Variants in PUS10 observed in about 807,000 individuals in gnomAD.
PUS10 encodes the protein pseudouridine synthase 10, also known as tRNA pseudouridine synthase Pus10.
Under a neutral mutation model 75.0 loss-of-function variants are expected in PUS10, and 59 were observed. The observed-to-expected ratio is 0.79, with a 90% confidence interval of 0.64 to 0.98. PUS10 has a LOEUF of 0.98. Ranked by LOEUF, PUS10 falls within the 50% of genes least tolerant of loss-of-function variation. The pLI is 0.00. For synonymous variants in PUS10, 219 were observed against 211.6 expected (o/e 1.03, Z -0.30); for missense variants, 650 against 614.4 (o/e 1.06, Z -0.61).
chr2:61,005,290 T>C (rs1679138637), intron 4 of PUS10, among the ~76,000 whole-genome samples: 1 of 151,976 alleles, frequency 6.6e-6, no homozygotes, highest in South Asian at 2.1e-4. Context: ...AACAAACAAA[T>C]CTTCTGTTTC....
intron 3 of PUS10, 96 bp downstream of exon 3, chr2:61,008,665 G>A (rs1679395956): frequency 1.9e-6 from 2 of 1,036,966 alleles, no homozygotes; most frequent in African/African-American, 1.6e-5. Context: ...AAAAAGAATT[G>A]TCTTGTCTTG....
chr2:60,973,630 G>T (rs1676836627), intron 4 of PUS10, among the ~76,000 whole-genome samples: 2 of 152,264 alleles, frequency 1.3e-5, no homozygotes, highest in Admixed American at 1.3e-4. Flanking sequence ...GCGCCCCTTG[G>T]CAAGAACAGC....
chr2:61,014,591 A>C (rs1326705972), intron 1 of PUS10, among the ~76,000 whole-genome samples: 1 of 152,188 alleles, frequency 6.6e-6, no homozygotes, highest in Admixed American at 6.5e-5. Context: ...TTGTTCAGCA[A>C]AACAAGATCT....
intron 8 of PUS10, among the ~76,000 whole-genome samples, chr2:60,963,099 T>A (rs1558897746): frequency 6.6e-6 from 1 of 152,208 alleles, no homozygotes; most frequent in Non-Finnish European, 1.5e-5. Context: ...TCTGTAACCC[T>A]TCTCTTCAAT....
rs1676664842 is a variant in PUS10, at chr2:60,971,551, C to T, written c.475G>A (p.Ala159Thr). 2 of 1,613,510 alleles carry T rather than the reference C, an allele frequency of 1.2e-6. No homozygotes were observed. The highest frequency in any genetic ancestry group is 8.5e-7 in the Non-Finnish European group (1 of 1,179,680). ...PPQLSVREHA[A>T]WLLVKQEMGK... ...ATTTCCTGTTTTACCAGCAACCATG[C>T]AGCATGCTGTAGGCAATTTAGTCAC... The change falls in exon 5 of 18, where the codon GCA (alanine) becomes ACA (threonine). Residue 159 changes from alanine to threonine, a missense_variant. Physicochemically the swap from Ala to Thr is moderately conservative, Grantham distance 58. Transcript: ENST00000316752.
At position 60,992,234 on chromosome 2, in the gene PUS10, G is replaced by A. The variant is rs201162132; in HGVS notation, c.468+14323C>T. On this transcript the variant is annotated intron_variant, in intron 4 of 17. Transcript: ENST00000316752. ...TTTCGCCATGTTGACCAAGCTGGTC[G>A]TGAACTTCTAGCCTCAAGTGATTCC... 6.6e-5 allele frequency among the ~76,000 whole-genome samples: 10 copies of A among 151,978 alleles called. No individual in the cohort carries two copies. In the East Asian group the frequency reaches 9.6e-4, roughly 15 times the overall value.
At chr2:60,998,346 G>A (rs1678615767) in intron 4 of PUS10, among the ~76,000 whole-genome samples, 1 of 152,122 alleles carries the variant, frequency 6.6e-6, no homozygotes, top group South Asian at 2.1e-4. Flanking sequence ...TGAATCCACA[G>A]ATTTAAGTAA....
chr2:61,012,349 T>C (rs1451364460), intron 1 of PUS10, among the ~76,000 whole-genome samples: 9 of 152,026 alleles, frequency 5.9e-5, no homozygotes, highest in Non-Finnish European at 1.2e-4. Context: ...CAGAAAGCCA[T>C]ACCCCAAAAT....
intron 4 of PUS10, among the ~76,000 whole-genome samples, chr2:60,980,895 C>T (rs1057126222): frequency 1.3e-5 from 2 of 152,010 alleles, no homozygotes; most frequent in African/African-American, 2.4e-5. Flanking sequence ...GGACCCATTA[C>T]ATTCTTTTTT....
rs570866689 is a variant in PUS10 at position 60,997,501 on chromosome 2, T to C, written c.468+9056A>G. ...GGCAGGCACCTGTAGTCCCAGCTACTCGGGAGGCTGAGGCAGGAGAATGGC... is the reference window on the plus strand; with the variant it reads ...GGCAGGCACCTGTAGTCCCAGCTACCCGGGAGGCTGAGGCAGGAGAATGGC... On this transcript the variant is annotated intron_variant, in intron 4 of 17. Coordinates refer to ENST00000316752, the MANE Select transcript of PUS10 (RefSeq NM_144709.4). Among the ~76,000 whole-genome samples, 6 of 151,054 alleles carry C rather than the reference T, an allele frequency of 4.0e-5. No individual in the cohort carries two copies. In the South Asian group the frequency reaches 1.3e-3, roughly 32 times the overall value.
intron 12 of PUS10, 68 bp downstream of exon 12, chr2:60,954,950 G>T (rs1675557906): frequency 2.8e-6 from 3 of 1,060,200 alleles, no homozygotes; most frequent in Non-Finnish European, 4.1e-6. Context: ...ACTATGCTAA[G>T]CCTGCTGTCT....
chr2:60,943,564 A>G (rs1674749284), intron 17 of PUS10, among the ~76,000 whole-genome samples: 1 of 152,104 alleles, frequency 6.6e-6, no homozygotes, highest in Non-Finnish European at 1.5e-5. Flanking sequence ...TTTTTTCATT[A>G]ATCCATGAGT....
rs184873702 is a variant in PUS10 at position 60,994,216 on chromosome 2, G to A, written c.468+12341C>T. Among the ~76,000 whole-genome samples, 62 of 151,992 alleles carry A rather than the reference G, an allele frequency of 4.1e-4. 1 individual carries two copies. Among genetic ancestry groups the A allele is most frequent in the Admixed American group, 2.5e-3 (38 of 15,252 alleles). On this transcript the variant is annotated intron_variant, in intron 4 of 17. Coordinates refer to ENST00000316752, the MANE Select transcript of PUS10 (RefSeq NM_144709.4). Reference sequence around the variant, plus strand: ...GGTTTCTGACAATGAGTTTGGATGTGTCTGACTTCAAGGTAGCACTTGCCA... The same window carrying A: ...GGTTTCTGACAATGAGTTTGGATGTATCTGACTTCAAGGTAGCACTTGCCA...
intron 15 of PUS10, among the ~76,000 whole-genome samples, chr2:60,949,855 CA>C (rs946061036): frequency 6.6e-6 from 1 of 152,168 alleles, no homozygotes; most frequent in Non-Finnish European, 1.5e-5. Context: ...TGGGCTCAAG[CA>C]ATCCTCCTGC....
intron 4 of PUS10, among the ~76,000 whole-genome samples, chr2:60,987,915 T>C (rs1023791745): frequency 1.3e-5 from 2 of 150,292 alleles, no homozygotes; most frequent in African/African-American, 2.5e-5. Flanking sequence ...ACAGAGAGCC[T>C]CTGTCTCAAG....
intron 14 of PUS10, among the ~76,000 whole-genome samples, chr2:60,953,521 T>G (rs554907263): frequency 6.6e-6 from 1 of 152,354 alleles, no homozygotes; most frequent in African/African-American, 2.4e-5. Flanking sequence ...TGTCAGGACT[T>G]CATTCCTTTT....
At chr2:60,963,115 C>G (rs1256139330) in intron 8 of PUS10, among the ~76,000 whole-genome samples, 1 of 152,186 alleles carries the variant, frequency 6.6e-6, no homozygotes, top group Admixed American at 6.5e-5. Context: ...TCAATCTGGT[C>G]TTTGTCTATA....
intron 4 of PUS10, among the ~76,000 whole-genome samples, chr2:60,980,408 A>T (rs1677308864): frequency 6.6e-6 from 1 of 152,208 alleles, no homozygotes; most frequent in African/African-American, 2.4e-5. Flanking sequence ...TGCCTTGAGC[A>T]CAATACAAGT....
intron 4 of PUS10, among the ~76,000 whole-genome samples, chr2:60,992,184 C>A (rs934361452): frequency 2.6e-5 from 4 of 151,978 alleles, no homozygotes; most frequent in Admixed American, 1.3e-4. Context: ...CTAATTTTTA[C>A]ATTACATTTT....
Sources: gnomAD v4.1 joint callset for allele counts (sites outside exome capture counted in the v4.1 genomes callset) on GRCh38, gnomAD v4.1.1 for gene constraint, MANE v1.5 for transcripts, NCBI Gene and HGNC (gene_info 2026-07-23, HGNC 2026-07-21) for gene names.